Variants in USP45 observed in about 807,000 individuals in gnomAD.
USP45 encodes the protein ubiquitin carboxyl-terminal hydrolase 45.
A neutral mutation model predicts 95.8 loss-of-function variants in USP45; 89 were observed. That is an observed-to-expected ratio of 0.93 (90% CI 0.78 to 1.11). The LOEUF is 1.11. Ranked by LOEUF, USP45 falls within the 50% of genes least tolerant of loss-of-function variation. The probability of loss-of-function intolerance (pLI) is 0.00; values close to 1 mark genes in which losing one functional copy is unlikely to be tolerated. For synonymous variants in USP45, 281 were observed against 316.2 expected, an observed-to-expected ratio of 0.89 and a Z score of 1.18; for missense variants, 898 against 942.5, an observed-to-expected ratio of 0.95 and a Z score of 0.62.
intron 7 of USP45, 88 bp downstream of exon 7, chr6:99,488,112 T>C: frequency 3.7e-6 from 3 of 814,060 alleles, no homozygotes; most frequent in Non-Finnish European, 6.1e-6. Context: ...ACTATCTTAG[T>C]TGACTGATCT....
intron 9 of USP45, among the ~76,000 whole-genome samples, chr6:99,475,739 T>C (rs1790651937): frequency 6.6e-6 from 1 of 152,216 alleles, no homozygotes; most frequent in Admixed American, 6.5e-5. Context: ...AGAAAAAATA[T>C]CTAGAATATT....
chr6:99,449,710 C>G (rs149721006), intron 13 of USP45, among the ~76,000 whole-genome samples: 22,330 of 152,128 alleles, frequency 0.15, 2,357 homozygotes, highest in Non-Finnish European at 0.21. Flanking sequence ...AACTCTCCAC[C>G]CCAAATCAAC....
intron 13 of USP45, among the ~76,000 whole-genome samples, chr6:99,450,538 A>C (rs969638879): frequency 6.6e-5 from 10 of 152,228 alleles, no homozygotes; most frequent in African/African-American, 2.4e-4. Context: ...AGAGGCAATA[A>C]TTAATAGCCT....
At chr6:99,466,022 GT>G (rs1021085728) in intron 11 of USP45, among the ~76,000 whole-genome samples, 39 of 146,146 alleles carry the variant, frequency 2.7e-4, no homozygotes, top group Admixed American at 1.2e-3. Context: ...ATTGGAATTA[GT>G]TTTTTTTTTT....
At chr6:99,453,173 G>GAAAAA (rs35773193) in intron 13 of USP45, among the ~76,000 whole-genome samples, 2 of 140,700 alleles carry the variant, frequency 1.4e-5, no homozygotes, top group Non-Finnish European at 1.5e-5. Flanking sequence ...ACTTAAAAAA[G>GAAAAA]AAAAAAAAAA....
intron 7 of USP45, among the ~76,000 whole-genome samples, chr6:99,483,944 TAAC>T (rs1366829550): frequency 6.7e-6 from 1 of 150,108 alleles, no homozygotes; most frequent in African/African-American, 2.4e-5. Flanking sequence ...ATGTATTTTA[TAAC>T]AACTATCCTT....
At chr6:99,498,777 T>C (rs1472239285) in intron 5 of USP45, among the ~76,000 whole-genome samples, 1 of 152,204 alleles carries the variant, frequency 6.6e-6, no homozygotes, top group African/African-American at 2.4e-5. Context: ...GCATGTGATA[T>C]CACAAAGGAT....
At chr6:99,461,285 T>C (rs1786405636) in intron 13 of USP45, 1 of 985,184 alleles carries the variant, frequency 1.0e-6, no homozygotes, top group Non-Finnish European at 1.2e-6. Context: ...TAAAAAGCTG[T>C]GGGGAGGGGA....
Position 99,435,811 on chromosome 6 carries a change from A to G in USP45, c.2350T>C (p.Trp784Arg). 6.2e-7 allele frequency: 1 copy of G among 1,613,550 alleles called. No individual in the cohort carries two copies. The highest frequency in any genetic ancestry group is 8.5e-7 in the Non-Finnish European group (1 of 1,179,682). Residue 784 changes from tryptophan (W) to arginine (R), a missense_variant, in exon 18 of 18, where the codon TGG becomes CGG. By Grantham distance (101) the Trp-to-Arg change is moderately radical. Transcript: ENST00000500704. ...KAADNESAGQ[W>R]VHVSDTYLQV... The stretch of plus-strand genomic sequence containing the variant: ...AAGTAAGTGTCACTAACATGGACCC[A>G]CTGGCCTGCTGATTCATTATCAGCC...
chr6:99,432,471 A>T lies in USP45; in HGVS notation c.*3245T>A, dbSNP rs1385210362. On this transcript the variant is annotated 3_prime_UTR_variant, in exon 18 of 18. Transcript: ENST00000500704. ...AGATAAATAAGAATATTTATTATGC[A>T]TGTTTTATACAGTAACACCAAAATA... 2 of 152,188 alleles carry T rather than the reference A, an allele frequency of 1.3e-5. No individual in the cohort carries two copies. Among genetic ancestry groups the T allele is most frequent in the African/African-American group, 4.8e-5 (2 of 41,460 alleles). The allele number at this position is 152,188 out of a possible 1,614,324, so 9.4% of individuals were successfully genotyped here.
chr6:99,448,118 C>A (rs1782954121), intron 13 of USP45, among the ~76,000 whole-genome samples: 1 of 152,206 alleles, frequency 6.6e-6, no homozygotes, highest in African/African-American at 2.4e-5. Context: ...GCTGAAAATT[C>A]TAAAAATCAG....
upstream of USP45, among the ~76,000 whole-genome samples, chr6:99,516,656 G>T (rs1383297392): frequency 6.6e-6 from 1 of 152,004 alleles, no homozygotes; most frequent in Non-Finnish European, 1.5e-5. Context: ...TTTTTCCCTA[G>T]GGAAAAAGAA....
chr6:99,436,246 T>C (rs1302725719), intron 17 of USP45, among the ~76,000 whole-genome samples: 2 of 151,934 alleles, frequency 1.3e-5, no homozygotes, highest in Non-Finnish European at 2.9e-5. Flanking sequence ...ATTAATATTA[T>C]AGGTATAATT....
Position 99,508,480 on chromosome 6 carries a change from C to A in USP45, c.273+130G>T, listed in dbSNP as rs1224933106. On this transcript the variant is annotated intron_variant, in intron 3 of 17. Transcript: ENST00000500704. The stretch of plus-strand genomic sequence containing the variant: ...CTTAACAATCATTTTTAAGTTCATT[C>A]CTGGAAAATTTCTATCTAAATTGGA... 7 of 944,328 alleles carry A rather than the reference C, an allele frequency of 7.4e-6. No homozygotes were observed. In the East Asian group the frequency reaches 1.4e-4, roughly 18 times the overall value. 58.5% of individuals were successfully genotyped at this position (944,328 alleles called of 1,614,324 possible).
At position 99,445,799 on chromosome 6, in the gene USP45, G is replaced by A. The variant is rs772840767; in HGVS notation, c.1973C>T (p.Ala658Val). ...TATGTAATTAAAAAAATAATTACCT[G>A]CAAAACTGGTTTCTTCTTGGTACTT... ...KQKYQEETSF[A>V]EKKVEGVYTN... The change falls in exon 14 of 18, where the codon GCA becomes GTA. Residue 658 changes from alanine (A) to valine (V), a missense_variant and splice_region_variant. By Grantham distance (64) the Ala-to-Val change is moderately conservative. Transcript: ENST00000500704. 3 of 1,553,648 alleles carry A rather than the reference G, an allele frequency of 1.9e-6. 1 individual carries two copies. The South Asian group carries it at 3.7e-5, about 19-fold the overall frequency.
At chr6:99,442,718 A>G (rs1250881889) in intron 15 of USP45, among the ~76,000 whole-genome samples, 4 of 151,722 alleles carry the variant, frequency 2.6e-5, no homozygotes, top group African/African-American at 9.7e-5. Context: ...GTGGTGGCAC[A>G]CACCTGTAAT....
At chr6:99,501,917 A>G (rs916007480) in intron 5 of USP45, 6 of 1,290,040 alleles carry the variant, frequency 4.7e-6, no homozygotes, top group Non-Finnish European at 6.1e-6. Flanking sequence ...TGGGTCCCTC[A>G]GGCCACATTT....
At chr6:99,489,776 G>A (rs769578198) in intron 5 of USP45, among the ~76,000 whole-genome samples, 4 of 151,858 alleles carry the variant, frequency 2.6e-5, no homozygotes, top group Admixed American at 6.6e-5. Context: ...GTGAAAGCCC[G>A]TCTCTACTAA....
intron 5 of USP45, among the ~76,000 whole-genome samples, chr6:99,490,586 A>C (rs1486693116): frequency 1.3e-5 from 2 of 151,972 alleles, no homozygotes; most frequent in East Asian, 3.9e-4. Context: ...TGATTGATGG[A>C]AATAGGGGAA....
Sources: allele counts gnomAD v4.1 joint callset (sites outside exome capture counted in the v4.1 genomes callset), GRCh38; gene constraint gnomAD v4.1.1; transcripts MANE v1.5; gene names NCBI Gene and HGNC (gene_info 2026-07-23, HGNC 2026-07-21).